Variants in LYPD3 observed in about 807,000 individuals in gnomAD.
LYPD3 encodes the protein ly6/PLAUR domain-containing protein 3.
Under a neutral mutation model 21.7 loss-of-function variants are expected in LYPD3, and 22 were observed. The observed-to-expected ratio is 1.01, with a 90% confidence interval of 0.72 to 1.45. The LOEUF (loss-of-function observed/expected upper bound fraction) is 1.45. LYPD3 is among the 40% of genes most tolerant of loss of function. LYPD3 has a pLI of 0.00. For missense variants in LYPD3, 471 were observed against 466.9 expected, an observed-to-expected ratio of 1.01 and a Z score of -0.08; for synonymous variants, 179 against 203.0, an observed-to-expected ratio of 0.88 and a Z score of 1.00.
chr19:43,464,934 C>CTTTTTTTTTTT (rs34393417), intron 1 of LYPD3, among the ~76,000 whole-genome samples: 3 of 62,824 alleles, frequency 4.8e-5, no homozygotes, highest in Non-Finnish European at 5.6e-5. Flanking sequence ...TTCTTTTTTT[C>CTTTTTTTTTTT]TTTTTTTTTT....
rs1429719486 is a variant in LYPD3 at position 43,463,911 on chromosome 19, C to T, written c.212-142G>A. ...CGACAGGCAGGAATTGGCGGATGGA[C>T]GCCCCCAAAGAGCCGCTCAGAGCGG... On this transcript the variant is annotated intron_variant, in intron 2 of 4. Transcript: ENST00000244333. 9.2e-6 allele frequency: 8 copies of T among 873,410 alleles called. No homozygotes were observed. In the East Asian group the frequency reaches 1.1e-4, roughly 12 times the overall value. The allele number at this position is 873,410 out of a possible 1,614,324, so 54.1% of individuals were successfully genotyped here. A position where few individuals can be genotyped will look rare whatever the true frequency, so the allele number is the denominator to read the frequency against.
Position 43,461,566 on chromosome 19 carries a change from T to TTGGCGC in LYPD3, c.820_825dup (p.Ala274_Pro275dup). ...ACTCCCTGTCTCGGAGTCTGACTGG[T>TTGGCGC]TGGCGCTGGCATGGGTTTGGTGGTG... On this transcript the variant is annotated inframe_insertion, in exon 5 of 5. Coordinates refer to ENST00000244333, the MANE Select transcript of LYPD3 (RefSeq NM_014400.3). 6.2e-7 allele frequency: 1 copy of TTGGCGC among 1,614,112 alleles called. No homozygotes were observed. Among genetic ancestry groups the TTGGCGC allele is most frequent in the Non-Finnish European group, 8.5e-7 (1 of 1,180,002 alleles).
chr19:43,461,484 T>C lies in LYPD3; in HGVS notation c.908A>G (p.His303Arg). Reference protein sequence around the residue: ...EPRLTGGAAGHQDRSNSGQYP... With the variant: ...EPRLTGGAAGRQDRSNSGQYP... Reference sequence around the variant, plus strand: ...CTGCCCTGAATTGCTGCGGTCCTGGTGGCCAGCGGCGCCTCCAGTCAACCT... The same window carrying C: ...CTGCCCTGAATTGCTGCGGTCCTGGCGGCCAGCGGCGCCTCCAGTCAACCT... Residue 303 changes from histidine to arginine, a missense_variant, in exon 5 of 5, where the codon CAC (histidine) becomes CGC (arginine). Coordinates refer to ENST00000244333, the MANE Select transcript of LYPD3 (RefSeq NM_014400.3). 4 of 1,614,160 alleles carry C rather than the reference T, an allele frequency of 2.5e-6. No individual in the cohort carries two copies. Among genetic ancestry groups the C allele is most frequent in the Non-Finnish European group, 3.4e-6 (4 of 1,180,024 alleles).
chr19:43,464,486 C>A (rs541298467), intron 1 of LYPD3, 30 bp from the exon 2 acceptor site: 1 of 1,613,376 alleles, frequency 6.2e-7, no homozygotes, highest in Admixed American at 1.7e-5. Flanking sequence ...TAGACCTGAG[C>A]CCTCCTTGCT....
At chr19:43,463,832 A>G in intron 2 of LYPD3, 63 bp from the exon 3 acceptor site, 5 of 1,344,130 alleles carry the variant, frequency 3.7e-6, no homozygotes, top group Non-Finnish European at 5.2e-6. Flanking sequence ...CGTGGCCCAG[A>G]GTTGGGTAGG....
rs373137375 is a variant in LYPD3, at chr19:43,463,953, A to G, written c.212-184T>C. 6.8e-5 allele frequency: 46 copies of G among 680,976 alleles called. No homozygotes were observed. The African/African-American group carries it at 7.4e-4, about 11-fold the overall frequency. 42.2% of individuals were successfully genotyped at this position (680,976 alleles called of 1,614,324 possible). On this transcript the variant is annotated intron_variant, in intron 2 of 4. Transcript: ENST00000244333. Reference sequence around the variant, plus strand: ...TCAGAGCGGAAAGAACGACCGAAGCAGGGAGGAGCGGGGTCACGGAACGGG... The same window carrying G: ...TCAGAGCGGAAAGAACGACCGAAGCGGGGAGGAGCGGGGTCACGGAACGGG...
chr19:43,461,691 C>T lies in LYPD3; in HGVS notation c.701G>A (p.Arg234Gln), dbSNP rs745685365. The change falls in exon 5 of 5, where the codon CGA becomes CAA. Residue 234 changes from arginine (R) to glutamine (Q), a missense_variant. Arg to Gln is a conservative substitution (Grantham distance 43, BLOSUM62 1). Coordinates refer to ENST00000244333, the MANE Select transcript of LYPD3 (RefSeq NM_014400.3). ...DLRNKTYFSP[R>Q]IPPLVRLPPP... is the part of the protein sequence containing the mutation. Reference sequence around the variant, plus strand: ...GGGCAGCCGGACAAGGGGTGGGATTCGAGGGGAGAAGTAGGTCTTGTTGCG... The same window carrying T: ...GGGCAGCCGGACAAGGGGTGGGATTTGAGGGGAGAAGTAGGTCTTGTTGCG... The T allele has an allele frequency of 1.2e-6, 2 of 1,613,950 alleles. No homozygotes were observed. The highest frequency in any genetic ancestry group is 1.7e-5 in the Admixed American group (1 of 59,972).
At chr19:43,463,444 A>G in intron 3 of LYPD3, 155 bp downstream of exon 3, 1 of 1,369,750 alleles carries the variant, frequency 7.3e-7, no homozygotes, top group Non-Finnish European at 1.0e-6. Flanking sequence ...GCCTACAGCC[A>G]GAAAGTCCCT....
rs1444182478 is a variant in LYPD3, at chr19:43,463,199, C to A, written c.471G>T (p.Pro157=). Residue 157 remains proline, a synonymous_variant, in exon 4 of 5, where the codon CCG becomes CCT. Coordinates refer to ENST00000244333, the MANE Select transcript of LYPD3 (RefSeq NM_014400.3). The stretch of plus-strand genomic sequence containing the variant: ...CGCTGGCGTTGTAGCAGCTCACGAC[C>A]GGCGGCGATGTACCCTGGCACGCCT... The part of the protein sequence containing the change: ...SREACQGTSP[P]VVSCYNASDH... 2 of 1,610,858 alleles carry A rather than the reference C, an allele frequency of 1.2e-6. No individual in the cohort carries two copies. The highest frequency in any genetic ancestry group is 1.7e-6 in the Non-Finnish European group (2 of 1,180,004).
chr19:43,463,909 G>A (rs1477614045), intron 2 of LYPD3, 140 bp from the exon 3 acceptor site: 6 of 880,946 alleles, frequency 6.8e-6, no homozygotes, highest in South Asian at 1.4e-5. Flanking sequence ...TTGGCGGATG[G>A]ACGCCCCCAA....
chr19:43,461,237 T>G lies in LYPD3; in HGVS notation c.*114A>C, dbSNP rs922964900. 29 of 1,283,040 alleles carry G rather than the reference T, an allele frequency of 2.3e-5. No individual in the cohort carries two copies. Among genetic ancestry groups the G allele is most frequent in the Non-Finnish European group, 3.1e-5 (29 of 949,402 alleles). The allele number at this position is 1,283,040 out of a possible 1,614,324, so 79.5% of individuals were successfully genotyped here. On this transcript the variant is annotated 3_prime_UTR_variant, in exon 5 of 5. Transcript: ENST00000244333. ...AGAAGCTGGGGATACTGGGGAATGT[T>G]GGAAAAACAGGGGCTGGGCCAGCCC...
rs1238952532 is a variant in LYPD3, at chr19:43,464,387, T to G, written c.149A>C (p.Lys50Thr). 3 of 1,613,976 alleles carry G rather than the reference T, an allele frequency of 1.9e-6. No homozygotes were observed. The African/African-American group carries it at 4.0e-5, about 22-fold the overall frequency. Residue 50 changes from lysine to threonine, a missense_variant, in exon 2 of 5, where the codon AAG becomes ACG. By Grantham distance (78) the Lys-to-Thr change is moderately conservative. Coordinates refer to ENST00000244333, the MANE Select transcript of LYPD3 (RefSeq NM_014400.3). ...CACGCCCGGCGCGCACTTCACTGTC[T>G]TCATCTTGTTCGGGGAGCATCCGTC... ...ADDGCSPNKMKTVKCAPGVDV... is the reference protein window; with the variant it reads ...ADDGCSPNKMTTVKCAPGVDV...
At chr19:43,463,813 C>A (rs1167635861) in intron 2 of LYPD3, 44 bp from the exon 3 acceptor site, 1 of 1,594,948 alleles carries the variant, frequency 6.3e-7, no homozygotes, top group African/African-American at 1.3e-5. Flanking sequence ...GGCGTGGTCT[C>A]AGATGGGGCG....
intron 1 of LYPD3, among the ~76,000 whole-genome samples, chr19:43,465,221 C>T (rs1970811966): frequency 1.3e-5 from 2 of 152,188 alleles, no homozygotes; most frequent in Admixed American, 1.3e-4. Context: ...ACCACCGCGC[C>T]CGGCCTAGGA....
At position 43,465,509 on chromosome 19, in the gene LYPD3, C is replaced by A. The variant is rs1241288774; in HGVS notation, c.63G>T (p.Leu21=). The A allele has an allele frequency of 1.2e-6, 2 of 1,609,846 alleles. No individual in the cohort carries two copies. Among genetic ancestry groups the A allele is most frequent in the African/African-American group, 2.7e-5 (2 of 74,942 alleles). Residue 21 remains leucine (L), a synonymous_variant, in exon 1 of 5, where the codon CTG becomes CTT. Coordinates refer to ENST00000244333, the MANE Select transcript of LYPD3 (RefSeq NM_014400.3). ...CAGACCCACCTCCGCGAAGCAGCAG[C>A]AGCAGCAGCCAGCCTGCAGTCCAGA... ...AMIWTAGWLL[L]LLLRGGAQAL...
At chr19:43,462,247 T>C (rs561559337) in intron 4 of LYPD3, among the ~76,000 whole-genome samples, 1 of 152,302 alleles carries the variant, frequency 6.6e-6, no homozygotes, top group Admixed American at 6.5e-5. Context: ...TAGACTGAGA[T>C]ACAAGACCTC....
intron 3 of LYPD3, 152 bp from the exon 4 acceptor site, chr19:43,463,439 C>T: frequency 3.6e-6 from 5 of 1,371,654 alleles, no homozygotes; most frequent in Non-Finnish European, 4.0e-6. Flanking sequence ...GCGGCGCCTA[C>T]AGCCAGAAAG....
At chr19:43,463,531 C>T in intron 3 of LYPD3, 68 bp downstream of exon 3, 1 of 1,566,090 alleles carries the variant, frequency 6.4e-7, no homozygotes, top group Non-Finnish European at 8.6e-7. Flanking sequence ...TCTGCCACGG[C>T]TCCACCTCTA....
chr19:43,463,195 C>G lies in LYPD3; in HGVS notation c.475G>C (p.Val159Leu). The G allele has an allele frequency of 6.2e-7, 1 of 1,610,910 alleles. No homozygotes were observed. The highest frequency in any genetic ancestry group is 8.5e-7 in the Non-Finnish European group (1 of 1,180,008). Residue 159 changes from valine to leucine, a missense_variant, in exon 4 of 5, where the codon GTG becomes CTG. Physicochemically the swap from Val to Leu is conservative, Grantham distance 32. Coordinates refer to ENST00000244333, the MANE Select transcript of LYPD3 (RefSeq NM_014400.3). ...EACQGTSPPV[V>L]SCYNASDHVY... is the part of the protein sequence containing the mutation. Reference sequence around the variant, plus strand: ...TGATCGCTGGCGTTGTAGCAGCTCACGACCGGCGGCGATGTACCCTGGCAC... The same window carrying G: ...TGATCGCTGGCGTTGTAGCAGCTCAGGACCGGCGGCGATGTACCCTGGCAC...
Sources: allele counts gnomAD v4.1 joint callset (sites outside exome capture counted in the v4.1 genomes callset), GRCh38; gene constraint gnomAD v4.1.1; transcripts MANE v1.5; gene names NCBI Gene and HGNC (gene_info 2026-07-23, HGNC 2026-07-21).